Variants in MME observed in about 807,000 individuals in gnomAD.
MME encodes neprilysin.
In MME, 98 loss-of-function variants were observed where a neutral mutation model predicts 113.2. The ratio of observed to expected loss-of-function variants is 0.87; its 90% CI spans 0.74 to 1.02. The LOEUF is 1.02. Ranked by LOEUF, MME falls within the 50% of genes least tolerant of loss-of-function variation. The pLI, the probability that MME is intolerant of heterozygous loss-of-function variation, is 0.00. For synonymous variants in MME, 292 were observed against 300.6 expected (o/e 0.97, Z 0.30); for missense variants, 836 against 896.0 (o/e 0.93, Z 0.86).
At chr3:155,082,644 C>T (rs548391498) in intron 1 of MME, among the ~76,000 whole-genome samples, 45 of 152,280 alleles carry the variant, frequency 3.0e-4, no homozygotes, top group African/African-American at 1.0e-3. Context: ...ACACGGTTTT[C>T]ATTGTGTAAT....
At chr3:155,051,571 C>T (rs935966195) in intron 1 of MME, among the ~76,000 whole-genome samples, 2 of 152,018 alleles carry the variant, frequency 1.3e-5, no homozygotes, top group African/African-American at 2.4e-5. Context: ...GCAAAGGGGA[C>T]GCTCCTTATA....
chr3:155,048,816 A>G (rs556873769), intron 1 of MME, among the ~76,000 whole-genome samples: 1 of 152,148 alleles, frequency 6.6e-6, no homozygotes, highest in Admixed American at 6.5e-5. Flanking sequence ...TGCTTGGTTT[A>G]TCTTATCCAT....
intron 1 of MME, among the ~76,000 whole-genome samples, chr3:155,035,254 A>G (rs1475138679): frequency 6.7e-6 from 1 of 148,982 alleles, no homozygotes; most frequent in Non-Finnish European, 1.5e-5. Context: ...TATAATGTCT[A>G]TAATATAAAT....
chr3:155,149,192 T>C (rs1172823175), intron 16 of MME, among the ~76,000 whole-genome samples: 1 of 152,218 alleles, frequency 6.6e-6, no homozygotes, highest in Non-Finnish European at 1.5e-5. Context: ...GTGACATTAG[T>C]ATTTCCTAAT....
intron 1 of MME, among the ~76,000 whole-genome samples, chr3:155,036,550 C>G (rs78207155): frequency 0.044 from 6,644 of 152,160 alleles, 159 homozygotes; most frequent in African/African-American, 0.052. Context: ...GGGTTGACTT[C>G]TTTCACTCAG....
At chr3:155,067,623 G>A (rs61057682) in intron 1 of MME, among the ~76,000 whole-genome samples, 20,953 of 151,760 alleles carry the variant, frequency 0.14, 2,312 homozygotes, top group African/African-American at 0.3. Flanking sequence ...TTTTCCTTTT[G>A]AAATACTTTC....
At position 155,180,842 on chromosome 3, in the gene MME, G is replaced by A; in HGVS notation, c.*383G>A. The A allele has an allele frequency of 4.0e-6, 1 of 248,810 alleles. No individual in the cohort carries two copies. Among genetic ancestry groups the A allele is most frequent in the Non-Finnish European group, 8.0e-6 (1 of 124,562 alleles). The allele number at this position is 248,810 out of a possible 1,614,324, so 15.4% of individuals were successfully genotyped here. A position where few individuals can be genotyped will look rare whatever the true frequency, so the allele number is the denominator to read the frequency against. On this transcript the variant is annotated 3_prime_UTR_variant, in exon 23 of 23. Coordinates refer to ENST00000360490, the MANE Select transcript of MME (RefSeq NM_007289.4). ...AGAAGATGTTGAAGAATACAGTTAG[G>A]CACCAGAAGAACAGTAGGTGACACT... is the stretch of plus-strand genomic sequence containing the variant.
At chr3:155,098,454 G>A (rs1488947150) in intron 3 of MME, among the ~76,000 whole-genome samples, 3 of 151,940 alleles carry the variant, frequency 2.0e-5, no homozygotes, top group Non-Finnish European at 4.4e-5. Context: ...TACTCGGGAG[G>A]CTGAGGCAGG....
intron 16 of MME, among the ~76,000 whole-genome samples, chr3:155,154,288 A>G (rs1377737291): frequency 6.6e-6 from 1 of 152,136 alleles, no homozygotes; most frequent in Non-Finnish European, 1.5e-5. Context: ...CGTGGTGCAT[A>G]TAGAAAGTTC....
chr3:155,164,451 G>A lies in MME; in HGVS notation c.1661-2451G>A, dbSNP rs563000778. On this transcript the variant is annotated intron_variant, in intron 17 of 22. Coordinates refer to ENST00000360490, the MANE Select transcript of MME (RefSeq NM_007289.4). ...AGGTAACAGCAATAAGGCTAGTGGG[G>A]AAAATCCTCCTTACAGAGATTTAGC... Among the ~76,000 whole-genome samples, 34 of 152,252 alleles carry A rather than the reference G, an allele frequency of 2.2e-4. No individual in the cohort carries two copies. The East Asian group carries it at 6.0e-3, about 27-fold the overall frequency.
At chr3:155,100,294 T>C (rs1245577808) in intron 3 of MME, among the ~76,000 whole-genome samples, 1 of 152,088 alleles carries the variant, frequency 6.6e-6, no homozygotes, top group Non-Finnish European at 1.5e-5. Context: ...GACAGACACA[T>C]GAAAAAATGC....
chr3:155,036,575 G>C (rs1713135679), intron 1 of MME, among the ~76,000 whole-genome samples: 1 of 151,990 alleles, frequency 6.6e-6, no homozygotes, highest in Admixed American at 6.6e-5. Context: ...ATATTTTCAA[G>C]ATTTTATATA....
intron 1 of MME, among the ~76,000 whole-genome samples, chr3:155,025,048 G>A (rs944591266): frequency 2.0e-5 from 3 of 152,150 alleles, no homozygotes; most frequent in Non-Finnish European, 2.9e-5. Flanking sequence ...AGTCTGTCTC[G>A]CAGAAAGATC....
chr3:155,154,662 T>G (rs76046552), intron 16 of MME, among the ~76,000 whole-genome samples: 3,170 of 152,306 alleles, frequency 0.021, 64 homozygotes, highest in East Asian at 0.11. Flanking sequence ...CCCTTCTGAT[T>G]TTTCCACTTC....
chr3:155,047,630 G>A lies in MME; in HGVS notation c.-11+23306G>A, dbSNP rs1030563730. ...ACATGTTGCCTTAGTTATATTAGCTGCATTAAAGTATCTGATAGTTCCAAT... is the reference window on the plus strand; with the variant it reads ...ACATGTTGCCTTAGTTATATTAGCTACATTAAAGTATCTGATAGTTCCAAT... On this transcript the variant is annotated intron_variant, in intron 1 of 22. Coordinates refer to the MME transcript ENST00000492661. Among the ~76,000 whole-genome samples the A allele has an allele frequency of 5.3e-5, 8 of 152,208 alleles. No individual in the cohort carries two copies. In the East Asian group the frequency reaches 7.7e-4, roughly 15 times the overall value.
At chr3:155,117,804 G>C (rs1315455747) in intron 7 of MME, among the ~76,000 whole-genome samples, 1 of 152,072 alleles carries the variant, frequency 6.6e-6, no homozygotes, top group African/African-American at 2.4e-5. Context: ...TGAGGACCAG[G>C]GGGTGGGGAA....
intron 16 of MME, among the ~76,000 whole-genome samples, chr3:155,150,312 GTTCATT>G (rs1721829214): frequency 1.3e-5 from 2 of 152,074 alleles, no homozygotes; most frequent in Non-Finnish European, 2.9e-5. Context: ...AATTTACACT[GTTCATT>G]CCCTTTCATC....
At chr3:155,118,513 T>A (rs1475037831) in intron 7 of MME, among the ~76,000 whole-genome samples, 1 of 152,228 alleles carries the variant, frequency 6.6e-6, no homozygotes, top group Non-Finnish European at 1.5e-5. Flanking sequence ...TTTCTTTTGT[T>A]TTCCTTAAAT....
chr3:155,144,818 G>A (rs1721383991), intron 14 of MME, among the ~76,000 whole-genome samples: 1 of 152,038 alleles, frequency 6.6e-6, no homozygotes, highest in African/African-American at 2.4e-5. Flanking sequence ...CTTTTACTGA[G>A]TTTCATAAGA....
Sources: gnomAD v4.1 joint callset for allele counts (sites outside exome capture counted in the v4.1 genomes callset) on GRCh38, gnomAD v4.1.1 for gene constraint, MANE v1.5 for transcripts, NCBI Gene and HGNC (gene_info 2026-07-23, HGNC 2026-07-21) for gene names.